ZNF804A: variants seen among roughly 807,000 people sequenced by gnomAD.
ZNF804A encodes zinc finger protein 804A.
In ZNF804A, 2 loss-of-function variants were observed where a neutral mutation model predicts 16.5. The observed-to-expected ratio is 0.12, with a 90% CI of 0.05 to 0.38. ZNF804A has a LOEUF of 0.38. Ranked by LOEUF, ZNF804A falls within the 10% of genes least tolerant of loss-of-function variation. ZNF804A has a pLI of 0.99. For synonymous variants in ZNF804A, 534 were observed against 489.6 expected (o/e 1.09, Z -1.20); for missense variants, 1,473 against 1,390.7 (o/e 1.06, Z -0.94).
chr2:184,652,298 G>T (rs1691999021), intron 1 of ZNF804A, among the ~76,000 whole-genome samples: 1 of 152,040 alleles, frequency 6.6e-6, no homozygotes, highest in African/African-American at 2.4e-5. Flanking sequence ...GGGGAAGAAA[G>T]GAAGGGAATG....
chr2:184,919,889 G>A lies in ZNF804A; in HGVS notation c.256-13714G>A, dbSNP rs952125478. The stretch of plus-strand genomic sequence containing the variant: ...CCAGCACTTCGGGAGGCTGAGATGG[G>A]TGGATCACCTGAGGTCAGGAGTTAG... On this transcript the variant is annotated intron_variant, in intron 2 of 3. Transcript: ENST00000302277. 3.3e-5 allele frequency among the ~76,000 whole-genome samples: 5 copies of A among 152,280 alleles called. No individual in the cohort carries two copies. The East Asian group carries it at 5.8e-4, about 18-fold the overall frequency.
At position 184,931,901 on chromosome 2, in the gene ZNF804A, T is replaced by G. The variant is rs151174261; in HGVS notation, c.256-1702T>G. Among the ~76,000 whole-genome samples, 510 of 152,300 alleles carry G rather than the reference T, an allele frequency of 3.3e-3. 2 individuals carry two copies. Among genetic ancestry groups the G allele is most frequent in the African/African-American group, 0.012 (489 of 41,558 alleles). ...TTTCAACAGCCCCTAACTCACCTCT[T>G]GCATGCTTTACTGCTTAGAAATTTC... On this transcript the variant is annotated intron_variant, in intron 2 of 3. Coordinates refer to ENST00000302277, the MANE Select transcript of ZNF804A (RefSeq NM_194250.2).
intron 1 of ZNF804A, among the ~76,000 whole-genome samples, chr2:184,627,352 TTTATATTTC>T (rs1691522161): frequency 2.6e-5 from 4 of 152,162 alleles, no homozygotes; most frequent in East Asian, 3.8e-4. Flanking sequence ...GAAAGATGAA[TTTATATTTC>T]ATGTTAATTA....
intron 2 of ZNF804A, among the ~76,000 whole-genome samples, chr2:184,873,785 T>C (rs1387584793): frequency 6.6e-6 from 1 of 152,090 alleles, no homozygotes; most frequent in African/African-American, 2.4e-5. Context: ...TGTTCAAAAA[T>C]AAGCGACAGT....
intron 1 of ZNF804A, among the ~76,000 whole-genome samples, chr2:184,730,663 T>C (rs1343054129): frequency 6.6e-6 from 1 of 152,182 alleles, no homozygotes; most frequent in African/African-American, 2.4e-5. Flanking sequence ...TACTTGGTGC[T>C]ATGTATTTAT....
chr2:184,864,439 AG>A (rs141057798), intron 1 of ZNF804A, among the ~76,000 whole-genome samples: 7,665 of 152,280 alleles, frequency 0.05, 253 homozygotes, highest in Middle Eastern at 0.078. Flanking sequence ...CATGAGATTT[AG>A]AAGGGAAAAT....
intron 1 of ZNF804A, among the ~76,000 whole-genome samples, chr2:184,848,971 C>G (rs955920390): frequency 2.6e-5 from 4 of 151,516 alleles, no homozygotes; most frequent in African/African-American, 9.7e-5. Flanking sequence ...GAGAAGTGAT[C>G]CCAGAAAGCA....
intron 1 of ZNF804A, among the ~76,000 whole-genome samples, chr2:184,758,726 A>G (rs1468193807): frequency 3.9e-5 from 6 of 152,030 alleles, no homozygotes; most frequent in Admixed American, 2.6e-4. Context: ...AACTAATGAT[A>G]TAACACAATA....
Position 184,599,157 on chromosome 2 carries a change from T to C in ZNF804A, c.111+87T>C, listed in dbSNP as rs1383630220. The C allele has an allele frequency of 3.1e-5, 35 of 1,114,028 alleles. No individual in the cohort carries two copies. In the East Asian group the frequency reaches 7.6e-4, roughly 24 times the overall value. 69.0% of individuals were successfully genotyped at this position (1,114,028 alleles called of 1,614,324 possible). A position where few individuals can be genotyped will look rare whatever the true frequency, so the allele number is the denominator to read the frequency against. ...GTTTTTGGAGGTTTTGAGATTCAGTTTGGTTTATAATTTACTCATTTTTTT... is the reference window on the plus strand; with the variant it reads ...GTTTTTGGAGGTTTTGAGATTCAGTCTGGTTTATAATTTACTCATTTTTTT... On this transcript the variant is annotated intron_variant, in intron 1 of 3. Transcript: ENST00000302277.
chr2:184,734,573 T>G (rs181544457), intron 1 of ZNF804A, among the ~76,000 whole-genome samples: 31 of 152,306 alleles, frequency 2.0e-4, no homozygotes, highest in African/African-American at 7.2e-4. Context: ...TGAAGTGTGT[T>G]TTATTTGCCC....
At chr2:184,811,651 T>C (rs1694904634) in intron 1 of ZNF804A, among the ~76,000 whole-genome samples, 1 of 152,112 alleles carries the variant, frequency 6.6e-6, no homozygotes, top group African/African-American at 2.4e-5. Flanking sequence ...AGTTTGAGAC[T>C]GCAATGTGCA....
At chr2:184,633,256 G>A (rs1366641440) in intron 1 of ZNF804A, among the ~76,000 whole-genome samples, 1 of 152,178 alleles carries the variant, frequency 6.6e-6, no homozygotes, top group African/African-American at 2.4e-5. Context: ...AGTCAGAGCA[G>A]ATACATGTAT....
At chr2:184,717,917 G>A (rs1398327819) in intron 1 of ZNF804A, among the ~76,000 whole-genome samples, 1 of 152,146 alleles carries the variant, frequency 6.6e-6, no homozygotes, top group Admixed American at 6.6e-5. Flanking sequence ...AACAAGACAA[G>A]CATGCCTGTT....
intron 1 of ZNF804A, among the ~76,000 whole-genome samples, chr2:184,739,460 C>T (rs1434581145): frequency 6.6e-6 from 1 of 152,128 alleles, no homozygotes; most frequent in Non-Finnish European, 1.5e-5. Flanking sequence ...GTGGCACGGT[C>T]GTGGCTCACT....
chr2:184,640,228 G>C (rs1222432720), intron 1 of ZNF804A, among the ~76,000 whole-genome samples: 1 of 151,706 alleles, frequency 6.6e-6, no homozygotes, highest in Non-Finnish European at 1.5e-5. Flanking sequence ...GAAGAAGGAG[G>C]AGGAGGAGGA....
chr2:184,713,260 T>C (rs1693158556), intron 1 of ZNF804A, among the ~76,000 whole-genome samples: 1 of 151,960 alleles, frequency 6.6e-6, no homozygotes, highest in Admixed American at 6.6e-5. Flanking sequence ...CAGTTCTATA[T>C]GTTGCTCTGG....
chr2:184,744,048 A>T (rs190167014), intron 1 of ZNF804A, among the ~76,000 whole-genome samples: 34 of 152,032 alleles, frequency 2.2e-4, no homozygotes, highest in Admixed American at 1.4e-3. Flanking sequence ...TCCATTTTCT[A>T]TTACTTAAAA....
intron 2 of ZNF804A, among the ~76,000 whole-genome samples, chr2:184,873,087 C>A (rs1180414762): frequency 6.6e-6 from 1 of 152,022 alleles, no homozygotes; most frequent in African/African-American, 2.4e-5. Flanking sequence ...CAAACAAAAT[C>A]AATGTCAGAT....
At chr2:184,924,605 A>T (rs1583050) in intron 2 of ZNF804A, among the ~76,000 whole-genome samples, 113,594 of 150,978 alleles carry the variant, frequency 0.75, 42,884 homozygotes, top group East Asian at 0.86. Context: ...AATTTTGGGT[A>T]TGGCTTGCTT....
Sources: allele counts gnomAD v4.1 joint callset (sites outside exome capture counted in the v4.1 genomes callset), GRCh38; gene constraint gnomAD v4.1.1; transcripts MANE v1.5; gene names NCBI Gene and HGNC (gene_info 2026-07-23, HGNC 2026-07-21).